Variants in CACNB2 observed in about 807,000 individuals in gnomAD.
CACNB2 encodes the protein voltage-dependent L-type calcium channel subunit beta-2.
CACNB2 carries 42 observed loss-of-function variants against 73.3 expected under a neutral mutation model. That is an observed-to-expected ratio of 0.57 (90% CI 0.45 to 0.74). The LOEUF is 0.74. CACNB2 is among the 30% of genes least tolerant of loss of function. The probability of loss-of-function intolerance (pLI) is 0.00; values close to 1 mark genes in which losing one functional copy is unlikely to be tolerated. For synonymous variants in CACNB2, 348 were observed against 310.3 expected, an observed-to-expected ratio of 1.12 and a Z score of -1.28; for missense variants, 940 against 853.0, an observed-to-expected ratio of 1.10 and a Z score of -1.27.
intron 3 of CACNB2, among the ~76,000 whole-genome samples, chr10:18,427,777 T>C (rs1310543771): frequency 6.6e-6 from 1 of 152,174 alleles, no homozygotes; most frequent in East Asian, 1.9e-4. Flanking sequence ...ATAATCTCAT[T>C]TTCTTACTAA....
At chr10:18,514,177 T>A in intron 6 of CACNB2, 59 bp from the exon 7 acceptor site, 1 of 1,578,834 alleles carries the variant, frequency 6.3e-7, no homozygotes, top group Admixed American at 1.7e-5. Context: ...TCATTTTATT[T>A]TCTTTATAAC....
chr10:18,506,641 C>T, intron 6 of CACNB2, 94 bp downstream of exon 6: 2 of 792,638 alleles, frequency 2.5e-6, no homozygotes, highest in Admixed American at 1.9e-5. Flanking sequence ...CACTGAATCA[C>T]TATGTTAACC....
chr10:18,514,168 C>T (rs1217501007), intron 6 of CACNB2, 68 bp from the exon 7 acceptor site: 135 of 1,542,738 alleles, frequency 8.8e-5, no homozygotes, highest in Non-Finnish European at 1.2e-4. Context: ...TATTTGCTTT[C>T]ATTTTATTTT....
At chr10:18,151,913 T>G (rs1043336045) in intron 2 of CACNB2, among the ~76,000 whole-genome samples, 1 of 152,210 alleles carries the variant, frequency 6.6e-6, no homozygotes, top group Non-Finnish European at 1.5e-5. Context: ...CAGTGCCGCT[T>G]GAGTCCATCA....
At chr10:18,367,209 ATTT>A (rs75340843) in intron 2 of CACNB2, among the ~76,000 whole-genome samples, 2,086 of 150,110 alleles carry the variant, frequency 0.014, 37 homozygotes, top group East Asian at 0.039. Context: ...AACAAATAGT[ATTT>A]TTTTTTTTTC....
intron 2 of CACNB2, among the ~76,000 whole-genome samples, chr10:18,220,232 T>TGGGGGGGGG (rs2035719332): frequency 3.2e-4 from 8 of 25,094 alleles, no homozygotes; most frequent in African/African-American, 1.5e-3. Context: ...TATATATATA[T>TGGGGGGGGG]AGAGAGAGAG....
intron 2 of CACNB2, among the ~76,000 whole-genome samples, chr10:18,350,814 G>T (rs1029578500): frequency 6.6e-6 from 1 of 152,160 alleles, no homozygotes; most frequent in Non-Finnish European, 1.5e-5. Context: ...TTTAGTGGTG[G>T]TGGTTGTTTT....
At chr10:18,164,373 G>C (rs2032693451) in intron 2 of CACNB2, among the ~76,000 whole-genome samples, 1 of 152,126 alleles carries the variant, frequency 6.6e-6, no homozygotes, top group African/African-American at 2.4e-5. Context: ...CAGGCCATTT[G>C]TTTGTGGGAG....
chr10:18,148,832 A>G (rs956541464), intron 1 of CACNB2, among the ~76,000 whole-genome samples: 1 of 151,960 alleles, frequency 6.6e-6, no homozygotes. Context: ...CTGTCTCTAC[A>G]AAAAACAAAA....
In CACNB2 at chr10:18,518,224, G is replaced by C. The variant is rs991368741; in HGVS notation, c.805-112G>C. The C allele has an allele frequency of 7.6e-6, 6 of 792,222 alleles. No homozygotes were observed. The African/African-American group carries it at 1.0e-4, about 13-fold the overall frequency. 49.1% of individuals were successfully genotyped at this position (792,222 alleles called of 1,614,324 possible). ...AAGAGGCAAGTGGGGAAAATAAAAT[G>C]TCTGGAAAGCCAGTGCCTCATATTA... On this transcript the variant is annotated intron_variant, in intron 7 of 13. Transcript: ENST00000324631.
chr10:18,194,695 A>G (rs1277728), intron 2 of CACNB2, among the ~76,000 whole-genome samples: 122,297 of 152,126 alleles, frequency 0.8, 50,176 homozygotes, highest in Non-Finnish European at 0.9. Context: ...TTCACTTGAA[A>G]GATGAGAATT....
At position 18,540,144 on chromosome 10, in the gene CACNB2, A is replaced by ATATTCATTCAT. The variant is rs1330854704; in HGVS notation, c.*421_*431dup. ...GTTAATACGCAGGCATCTGATTTGC[A>ATATTCATTCAT]TATTCATTCATGGACCACTGTTTCT... On this transcript the variant is annotated 3_prime_UTR_variant, in exon 14 of 14. Coordinates refer to ENST00000324631, the MANE Select transcript of CACNB2 (RefSeq NM_201596.3). 4.9e-6 allele frequency: 1 copy of ATATTCATTCAT among 203,114 alleles called. No homozygotes were observed. The allele number at this position is 203,114 out of a possible 1,614,324, so 12.6% of individuals were successfully genotyped here.
intron 2 of CACNB2, among the ~76,000 whole-genome samples, chr10:18,395,387 A>G (rs1387733415): frequency 1.3e-5 from 2 of 151,892 alleles, no homozygotes; most frequent in African/African-American, 4.8e-5. Context: ...TCCCACCATC[A>G]TTTTATTATC....
At chr10:18,236,060 A>G (rs1182148548) in intron 2 of CACNB2, among the ~76,000 whole-genome samples, 1 of 152,134 alleles carries the variant, frequency 6.6e-6, no homozygotes, top group African/African-American at 2.4e-5. Context: ...ATATTCATCC[A>G]TGTTTCCTGT....
chr10:18,270,934 A>C (rs1275510955), intron 2 of CACNB2, among the ~76,000 whole-genome samples: 1 of 151,690 alleles, frequency 6.6e-6, no homozygotes, highest in African/African-American at 2.4e-5. Flanking sequence ...TCAAATTTTT[A>C]CTCTTTCACT....
chr10:18,404,270 T>C (rs991815737), intron 3 of CACNB2, among the ~76,000 whole-genome samples: 1 of 152,192 alleles, frequency 6.6e-6, no homozygotes, highest in Non-Finnish European at 1.5e-5. Flanking sequence ...TGAATTTTCC[T>C]TTATATTAAA....
chr10:18,510,709 G>A lies in CACNB2; in HGVS notation c.671-3527G>A, dbSNP rs1213925261. On this transcript the variant is annotated intron_variant, in intron 6 of 13. Coordinates refer to ENST00000324631, the MANE Select transcript of CACNB2 (RefSeq NM_201596.3). ...ATGAACTTGACTGTCCAAGGGTCCT[G>A]TAAATTCTGACATCCAACTGGTTAT... 3.3e-5 allele frequency among the ~76,000 whole-genome samples: 5 copies of A among 152,202 alleles called. No individual in the cohort carries two copies. The East Asian group carries it at 9.6e-4, about 29-fold the overall frequency.
intron 2 of CACNB2, among the ~76,000 whole-genome samples, chr10:18,188,001 T>C (rs769541336): frequency 3.2e-4 from 49 of 152,162 alleles, no homozygotes; most frequent in Non-Finnish European, 6.3e-4. Context: ...GCTGAAATAT[T>C]GTTTGGATTA....
At chr10:18,335,095 A>G (rs2040948835) in intron 2 of CACNB2, among the ~76,000 whole-genome samples, 1 of 152,064 alleles carries the variant, frequency 6.6e-6, no homozygotes, top group African/African-American at 2.4e-5. Context: ...AGTTACAGAC[A>G]TCTAATGTGA....
Sources: allele counts gnomAD v4.1 joint callset (sites outside exome capture counted in the v4.1 genomes callset), GRCh38; gene constraint gnomAD v4.1.1; transcripts MANE v1.5; gene names NCBI Gene and HGNC (gene_info 2026-07-23, HGNC 2026-07-21).